The following STARD5 variants were observed in gnomAD, a reference collection of about 807,000 sequenced individuals.
STARD5 encodes the protein stAR-related lipid transfer protein 5.
A neutral mutation model predicts 24.6 loss-of-function variants in STARD5; 26 were observed. The observed-to-expected ratio is 1.06, with a 90% CI of 0.77 to 1.47. STARD5 has a LOEUF of 1.47. Ranked by LOEUF, STARD5 falls within the 40% of genes most tolerant of loss-of-function variation. The pLI, the probability that STARD5 is intolerant of heterozygous loss-of-function variation, is 0.00. For synonymous variants in STARD5, 101 were observed against 99.7 expected, an observed-to-expected ratio of 1.01 and a Z score of -0.07; for missense variants, 254 against 270.8, an observed-to-expected ratio of 0.94 and a Z score of 0.44.
Position 81,324,069 on chromosome 15 carries a change from C to G in STARD5, c.31G>C (p.Glu11Gln). ...TGGAGCATCTTCTCGGCCACAGCCT[C>G]GCTCATCTGGGCTGCCAGCGCCGGG... MDPALAAQMSEAVAEKMLQYR... is the reference protein window; with the variant it reads MDPALAAQMSQAVAEKMLQYR... Residue 11 changes from glutamate to glutamine, a missense_variant, in exon 1 of 6, where the codon GAG becomes CAG. Transcript: ENST00000302824. 6.4e-7 allele frequency: 1 copy of G among 1,567,760 alleles called. No individual in the cohort carries two copies. The highest frequency in any genetic ancestry group is 8.7e-7 in the Non-Finnish European group (1 of 1,152,170).
At position 81,309,153 on chromosome 15, in the gene STARD5, C is replaced by T. The variant is rs978426153; in HGVS notation, c.*4103G>A. On this transcript the variant is annotated 3_prime_UTR_variant, in exon 6 of 6. Transcript: ENST00000302824. ...GTACTGTAACTGTGTCATGATTCAC[C>T]CCCAAACAGTGACATTTATTTTTCT... is the stretch of plus-strand genomic sequence containing the variant. The T allele has an allele frequency of 4.8e-6, 1 of 208,184 alleles. No homozygotes were observed. Among genetic ancestry groups the T allele is most frequent in the Non-Finnish European group, 9.6e-6 (1 of 104,390 alleles). The allele number at this position is 208,184 out of a possible 1,614,324, so 12.9% of individuals were successfully genotyped here.
In STARD5 at chr15:81,310,673, A is replaced by G. The variant is rs1207709476; in HGVS notation, c.*2583T>C. On this transcript the variant is annotated 3_prime_UTR_variant, in exon 6 of 6. Coordinates refer to ENST00000302824, the MANE Select transcript of STARD5 (RefSeq NM_181900.3). ...CATTCCTTGCCTGCACAAACTCACC[A>G]TCTGTGCACGCAGTGGCCTTCCCTA... The G allele has an allele frequency of 6.6e-6, 1 of 152,214 alleles. No individual in the cohort carries two copies. The highest frequency in any genetic ancestry group is 1.5e-5 in the Non-Finnish European group (1 of 68,030). The allele number at this position is 152,214 out of a possible 1,614,324, so 9.4% of individuals were successfully genotyped here.
In STARD5 at chr15:81,322,938, G is replaced by T; in HGVS notation, c.110C>A (p.Ser37Ter). Residue 37 changes from serine to a stop codon, truncating the protein, a stop_gained, in exon 2 of 6, where the codon TCA (serine) becomes TAA (stop). Coordinates refer to ENST00000302824, the MANE Select transcript of STARD5 (RefSeq NM_181900.3). LOFTEE classifies it high-confidence loss of function. Reference sequence around the variant, plus strand: ...CTCCACAGATGGCCTCCAGGAAACTGAAACTCCATTCTGTCAAAAGGCACA... The same window carrying T: ...CTCCACAGATGGCCTCCAGGAAACTTAAACTCCATTCTGTCAAAAGGCACA... ...WKICREGNGV[S>*]VSWRPSVEFP... is the part of the protein sequence containing the mutation. 1 of 1,614,110 alleles carries T rather than the reference G, an allele frequency of 6.2e-7. No individual in the cohort carries two copies. Among genetic ancestry groups the T allele is most frequent in the Non-Finnish European group, 8.5e-7 (1 of 1,180,038 alleles).
rs750503949 is a variant in STARD5, at chr15:81,309,928, T to A, written c.*3328A>T. 6.6e-6 allele frequency: 1 copy of A among 152,252 alleles called. No homozygotes were observed. The highest frequency in any genetic ancestry group is 1.5e-5 in the Non-Finnish European group (1 of 68,070). 9.4% of individuals were successfully genotyped at this position (152,252 alleles called of 1,614,324 possible). A position where few individuals can be genotyped will look rare whatever the true frequency, so the allele number is the denominator to read the frequency against. On this transcript the variant is annotated 3_prime_UTR_variant, in exon 6 of 6. Coordinates refer to ENST00000302824, the MANE Select transcript of STARD5 (RefSeq NM_181900.3). Reference sequence around the variant, plus strand: ...TCCAGCTGGTGAGTGATGCGGCAGATTGAGTTTTCTTCTGTGATTCGGTGG... The same window carrying A: ...TCCAGCTGGTGAGTGATGCGGCAGAATGAGTTTTCTTCTGTGATTCGGTGG...
intron 5 of STARD5, among the ~76,000 whole-genome samples, chr15:81,314,908 A>AAAAAAAAAAAAAAAAAAAAAAAAAAC (rs1567054860): frequency 6.8e-6 from 1 of 146,168 alleles, no homozygotes. Flanking sequence ...AAAAAAAAAA[A>AAAAAAAAAAAAAAAAAAAAAAAAAAC]AAAAAAAGAA....
chr15:81,321,101 C>G (rs947540656), intron 3 of STARD5, among the ~76,000 whole-genome samples: 1 of 152,158 alleles, frequency 6.6e-6, no homozygotes, highest in Non-Finnish European at 1.5e-5. Flanking sequence ...CTGAGCTCAC[C>G]AGTAGCCTGT....
chr15:81,315,296 G>A (rs1487873405), intron 5 of STARD5, among the ~76,000 whole-genome samples: 1 of 152,186 alleles, frequency 6.6e-6, no homozygotes, highest in South Asian at 2.1e-4. Flanking sequence ...CCCTCTGGGT[G>A]AGGAATGGGC....
chr15:81,318,618 A>C, intron 4 of STARD5, 116 bp from the exon 5 acceptor site: 1 of 866,646 alleles, frequency 1.2e-6, no homozygotes, highest in Admixed American at 2.3e-5. Context: ...TCTGTGAGGG[A>C]CTCCTGCCTC....
At chr15:81,323,007 T>C in intron 1 of STARD5, 59 bp from the exon 2 acceptor site, 1 of 1,595,294 alleles carries the variant, frequency 6.3e-7, no homozygotes, top group Non-Finnish European at 8.6e-7. Flanking sequence ...GTCACCTGGC[T>C]TAATCCCCTG....
rs971261118 is a variant in STARD5, at chr15:81,322,769, G to A, written c.149+130C>T. On this transcript the variant is annotated intron_variant, in intron 2 of 5. Transcript: ENST00000302824. ...GCTGGAAATGATTTCATTAAAAACA[G>A]TAAGGCTTTTCTGGAGGACAAGTGA... The A allele has an allele frequency of 2.2e-6, 3 of 1,381,494 alleles. No individual in the cohort carries two copies. The African/African-American group carries it at 4.3e-5, about 20-fold the overall frequency. The allele number at this position is 1,381,494 out of a possible 1,614,324, so 85.6% of individuals were successfully genotyped here. A position where few individuals can be genotyped will look rare whatever the true frequency, so the allele number is the denominator to read the frequency against.
rs1900839751 is a variant in STARD5 at position 81,311,296 on chromosome 15, T to C, written c.*1960A>G. ...TTTGCTTTGCCCAGCATTTTACTGA[T>C]TCATACATTATCTCACTTGTGCCAA... is the stretch of plus-strand genomic sequence containing the variant. On this transcript the variant is annotated 3_prime_UTR_variant, in exon 6 of 6. Transcript: ENST00000302824. 6.6e-6 allele frequency: 1 copy of C among 152,248 alleles called. No homozygotes were observed. Among genetic ancestry groups the C allele is most frequent in the Non-Finnish European group, 1.5e-5 (1 of 68,044 alleles). The allele number at this position is 152,248 out of a possible 1,614,324, so 9.4% of individuals were successfully genotyped here.
chr15:81,314,726 A>G (rs1043292795), intron 5 of STARD5, among the ~76,000 whole-genome samples: 1 of 151,910 alleles, frequency 6.6e-6, no homozygotes, highest in Non-Finnish European at 1.5e-5. Context: ...TCTCTACTAA[A>G]CATACAAAAG....
chr15:81,323,928 C>T, intron 1 of STARD5, 73 bp downstream of exon 1: 1 of 1,488,798 alleles, frequency 6.7e-7, no homozygotes, highest in Non-Finnish European at 9.2e-7. Flanking sequence ...AGAGGAGGCG[C>T]TTGGGGGCTT....
rs1901146019 is a variant in STARD5, at chr15:81,319,250, T to G, written c.400+89A>C. On this transcript the variant is annotated intron_variant, in intron 4 of 5. Coordinates refer to ENST00000302824, the MANE Select transcript of STARD5 (RefSeq NM_181900.3). ...GTGTGAGTTTCTGGTGATTTCTGGT[T>G]GCTTGGCTTTCCTTAAGGAACTGTG... The G allele has an allele frequency of 7.6e-6, 9 of 1,183,628 alleles. No individual in the cohort carries two copies. The Admixed American group carries it at 8.8e-5, about 12-fold the overall frequency. 73.3% of individuals were successfully genotyped at this position (1,183,628 alleles called of 1,614,324 possible).
Position 81,312,371 on chromosome 15 carries a change from G to A in STARD5, c.*885C>T, listed in dbSNP as rs1295831464. The A allele has an allele frequency of 6.6e-6, 1 of 152,260 alleles. No individual in the cohort carries two copies. Among genetic ancestry groups the A allele is most frequent in the African/African-American group, 2.4e-5 (1 of 41,456 alleles). 9.4% of individuals were successfully genotyped at this position (152,260 alleles called of 1,614,324 possible). On this transcript the variant is annotated 3_prime_UTR_variant, in exon 6 of 6. Transcript: ENST00000302824. Reference sequence around the variant, plus strand: ...GCCTACTCTTCCATCTTTCCTGATGGCAGGATGGCCTGGCCAGGGCCTGGA... The same window carrying A: ...GCCTACTCTTCCATCTTTCCTGATGACAGGATGGCCTGGCCAGGGCCTGGA...
In STARD5 at chr15:81,314,893, G is replaced by GAAAAA. The variant is rs5814055; in HGVS notation, c.495-1495_495-1491dup. 4.6e-3 allele frequency among the ~76,000 whole-genome samples: 479 copies of GAAAAA among 103,962 alleles called. 8 individuals carry two copies. The highest frequency in any genetic ancestry group is 0.011 in the African/African-American group (353 of 30,710). 68.2% of individuals were successfully genotyped at this position (103,962 alleles called of 152,430 possible). On this transcript the variant is annotated intron_variant, in intron 5 of 5. Coordinates refer to ENST00000302824, the MANE Select transcript of STARD5 (RefSeq NM_181900.3). The stretch of plus-strand genomic sequence containing the variant: ...AAGAGCAAAACCCCACCTCAAAAAA[G>GAAAAA]AAAAAAAAAAAAAAAAAAAAAAGAA...
rs1900936157 is a variant in STARD5 at position 81,312,857 on chromosome 15, T to C, written c.*399A>G. 1 of 154,380 alleles carries C rather than the reference T, an allele frequency of 6.5e-6. No individual in the cohort carries two copies. The highest frequency in any genetic ancestry group is 6.5e-5 in the Admixed American group (1 of 15,324). 9.6% of individuals were successfully genotyped at this position (154,380 alleles called of 1,614,324 possible). A position where few individuals can be genotyped will look rare whatever the true frequency, so the allele number is the denominator to read the frequency against. On this transcript the variant is annotated 3_prime_UTR_variant, in exon 6 of 6. Coordinates refer to ENST00000302824, the MANE Select transcript of STARD5 (RefSeq NM_181900.3). ...AAAGGCAACAGGGCCTGGTTTTCAG[T>C]GGCGATGATGATTCTCTATGACAGT...
In STARD5 at chr15:81,311,035, G is replaced by A. The variant is rs917947230; in HGVS notation, c.*2221C>T. 1.4e-4 allele frequency: 22 copies of A among 152,190 alleles called. No individual in the cohort carries two copies. The highest frequency in any genetic ancestry group is 5.1e-4 in the African/African-American group (21 of 41,436). The allele number at this position is 152,190 out of a possible 1,614,324, so 9.4% of individuals were successfully genotyped here. A position where few individuals can be genotyped will look rare whatever the true frequency, so the allele number is the denominator to read the frequency against. On this transcript the variant is annotated 3_prime_UTR_variant, in exon 6 of 6. Coordinates refer to ENST00000302824, the MANE Select transcript of STARD5 (RefSeq NM_181900.3). ...TGCCCAGGTTTCTGGTCTCTAGGCT[G>A]GGGAAGTCCTCTGGGTAGGAATCAG... is the stretch of plus-strand genomic sequence containing the variant.
In STARD5 at chr15:81,311,718, A is replaced by G. The variant is rs761240464; in HGVS notation, c.*1538T>C. On this transcript the variant is annotated 3_prime_UTR_variant, in exon 6 of 6. Coordinates refer to ENST00000302824, the MANE Select transcript of STARD5 (RefSeq NM_181900.3). Reference sequence around the variant, plus strand: ...TTGGCTGAACTCATGAGAAGTTGATATAGAACAGTGCTTGCCACAGAGCGG... The same window carrying G: ...TTGGCTGAACTCATGAGAAGTTGATGTAGAACAGTGCTTGCCACAGAGCGG... 1 of 152,244 alleles carries G rather than the reference A, an allele frequency of 6.6e-6. No homozygotes were observed. Among genetic ancestry groups the G allele is most frequent in the Non-Finnish European group, 1.5e-5 (1 of 68,060 alleles). The allele number at this position is 152,244 out of a possible 1,614,324, so 9.4% of individuals were successfully genotyped here. A position where few individuals can be genotyped will look rare whatever the true frequency, so the allele number is the denominator to read the frequency against.
Sources: gnomAD v4.1 joint callset for allele counts (sites outside exome capture counted in the v4.1 genomes callset) on GRCh38, gnomAD v4.1.1 for gene constraint, MANE v1.5 for transcripts, NCBI Gene and HGNC (gene_info 2026-07-23, HGNC 2026-07-21) for gene names.